The following KAT6B variants were observed in gnomAD, a reference collection of about 807,000 sequenced individuals.
KAT6B encodes lysine acetyltransferase 6B.
In KAT6B, 10 loss-of-function variants were observed where a neutral mutation model predicts 187.5. The observed-to-expected ratio is 0.05, with a 90% confidence interval of 0.03 to 0.09. KAT6B has a LOEUF of 0.09. Among genes scored for constraint, KAT6B ranks in the 10% least tolerant of loss-of-function variants. The pLI is 1.00. For synonymous variants in KAT6B, 861 were observed against 926.8 expected, an observed-to-expected ratio of 0.93 and a Z score of 1.29; for missense variants, 1,952 against 2,558.9, an observed-to-expected ratio of 0.76 and a Z score of 5.12.
chr10:74,938,050 A>G (rs748857261), intron 3 of KAT6B, among the ~76,000 whole-genome samples: 1 of 152,206 alleles, frequency 6.6e-6, no homozygotes, highest in African/African-American at 2.4e-5. Context: ...GGCTCAAGCC[A>G]TCCTCCCTCC....
chr10:74,968,613 CT>C (rs1287227637), intron 4 of KAT6B, among the ~76,000 whole-genome samples: 3 of 151,938 alleles, frequency 2.0e-5, no homozygotes, highest in Admixed American at 1.3e-4. Context: ...GCAGAATCTG[CT>C]TTTTTTTATT....
intron 3 of KAT6B, among the ~76,000 whole-genome samples, chr10:74,856,294 C>G (rs1842821167): frequency 6.6e-6 from 1 of 152,082 alleles, no homozygotes; most frequent in South Asian, 2.1e-4. Flanking sequence ...GCCAGGTTGG[C>G]CAGGCTGGTC....
At position 75,031,176 on chromosome 10, in the gene KAT6B, T is replaced by TAA; in HGVS notation, c.*130_*131insAA. ...AAAAACATTTGTTGGCACCATTTATTTAAAAAAAAAAAAAGCTGTATGCAG... is the reference window on the plus strand; with the variant it reads ...AAAAACATTTGTTGGCACCATTTATTAATAAAAAAAAAAAAAGCTGTATGCAG... On this transcript the variant is annotated 3_prime_UTR_variant, in exon 18 of 18. Transcript: ENST00000287239. 1 of 1,069,448 alleles carries TAA rather than the reference T, an allele frequency of 9.4e-7. No individual in the cohort carries two copies. The highest frequency in any genetic ancestry group is 1.3e-6 in the Non-Finnish European group (1 of 746,402). 66.2% of individuals were successfully genotyped at this position (1,069,448 alleles called of 1,614,324 possible).
At chr10:74,844,906 T>C (rs75543691) in intron 3 of KAT6B, among the ~76,000 whole-genome samples, 1 of 152,140 alleles carries the variant, frequency 6.6e-6, no homozygotes, top group African/African-American at 2.4e-5. Flanking sequence ...TTATAAAACA[T>C]TAATCATTGT....
At position 75,000,307 on chromosome 10, in the gene KAT6B, AG is replaced by A. The variant is rs373934659; in HGVS notation, c.2629+11198del. ...CTGGAGCATGTGTATGTACATCAGT[AG>A]GGAAAAGAAAGAGCAGCGCTGATGG... On this transcript the variant is annotated intron_variant, in intron 13 of 17. Transcript: ENST00000287239. 3.0e-3 allele frequency among the ~76,000 whole-genome samples: 453 copies of A among 152,134 alleles called. 4 individuals carry two copies. The highest frequency in any genetic ancestry group is 0.01 in the Middle Eastern group (3 of 294).
intron 1 of KAT6B, chr10:74,826,994 G>GC (rs201590252): frequency 1 from 130,454 of 130,528 alleles, 65,190 homozygotes; most frequent in Middle Eastern, 1. Context: ...CCTCGGCAGG[G>GC]CTCTAGGGCA....
rs55816415 is a variant in KAT6B, at chr10:74,912,375, G to GATAGATAGATA, written c.622-47595_622-47594insATAGATAGATA. Among the ~76,000 whole-genome samples, 134 of 145,644 alleles carry GATAGATAGATA rather than the reference G, an allele frequency of 9.2e-4. 1 individual carries two copies. The highest frequency in any genetic ancestry group is 2.5e-3 in the South Asian group (11 of 4,438). ...GGATGGATAGATTAAATGGATGGAT[G>GATAGATAGATA]GATAGATAGATAGATAGATAGATAG... On this transcript the variant is annotated intron_variant, in intron 3 of 17. Coordinates refer to ENST00000287239, the MANE Select transcript of KAT6B (RefSeq NM_012330.4).
intron 3 of KAT6B, among the ~76,000 whole-genome samples, chr10:74,880,157 C>G (rs1421938225): frequency 4.6e-5 from 7 of 152,182 alleles, no homozygotes; most frequent in Non-Finnish European, 1.0e-4. Flanking sequence ...CAAAGTCATT[C>G]ACCACTGTCT....
intron 3 of KAT6B, among the ~76,000 whole-genome samples, chr10:74,953,804 T>G (rs971120813): frequency 6.6e-6 from 1 of 152,180 alleles, no homozygotes; most frequent in African/African-American, 2.4e-5. Context: ...GTGCAGGAAT[T>G]TTCATTTATT....
At chr10:74,951,582 G>A (rs905337687) in intron 3 of KAT6B, among the ~76,000 whole-genome samples, 9 of 152,148 alleles carry the variant, frequency 5.9e-5, no homozygotes, top group African/African-American at 1.9e-4. Context: ...ACAACCTATA[G>A]TGACTATTAC....
chr10:74,926,052 CAT>C (rs970040289), intron 3 of KAT6B, among the ~76,000 whole-genome samples: 5 of 152,184 alleles, frequency 3.3e-5, no homozygotes, highest in South Asian at 2.1e-4. Context: ...GCATAGACCT[CAT>C]ATGTGTATTG....
upstream of KAT6B, among the ~76,000 whole-genome samples, chr10:74,826,044 C>CCG (rs1292614642): frequency 2.0e-5 from 3 of 151,432 alleles, no homozygotes; most frequent in South Asian, 2.1e-4. Context: ...GCGTGCCCGC[C>CCG]CGCGCGCGCC....
intron 3 of KAT6B, among the ~76,000 whole-genome samples, chr10:74,931,637 TA>T: frequency 6.6e-6 from 1 of 152,232 alleles, no homozygotes; most frequent in South Asian, 2.1e-4. Flanking sequence ...CTGTTTACCA[TA>T]CCTTTCTTTT....
At chr10:75,002,991 G>C (rs574814957) in intron 13 of KAT6B, 1 of 152,326 alleles carries the variant, frequency 6.6e-6, no homozygotes, top group South Asian at 2.1e-4. Flanking sequence ...TTCCCTTCTA[G>C]TGTGTGATTC....
chr10:74,882,118 A>G (rs1172149662), intron 3 of KAT6B, among the ~76,000 whole-genome samples: 1 of 152,202 alleles, frequency 6.6e-6, no homozygotes, highest in Non-Finnish European at 1.5e-5. Context: ...TGGAGTCTCC[A>G]TCTTCCACTT....
intron 1 of KAT6B, chr10:74,827,127 G>A (rs1381462633): frequency 6.6e-6 from 1 of 152,558 alleles, no homozygotes; most frequent in Non-Finnish European, 1.5e-5. Flanking sequence ...AGGAGCGGTG[G>A]GGGGCCGGCG....
At chr10:74,992,728 A>G (rs1246508014) in intron 13 of KAT6B, among the ~76,000 whole-genome samples, 1 of 152,222 alleles carries the variant, frequency 6.6e-6, no homozygotes, top group Admixed American at 6.5e-5. Flanking sequence ...CCATGGGACC[A>G]TGTGCTGCTT....
intron 3 of KAT6B, among the ~76,000 whole-genome samples, chr10:74,893,125 G>A (rs918068847): frequency 1.3e-5 from 2 of 152,236 alleles, no homozygotes; most frequent in Admixed American, 1.3e-4. Context: ...GAGTCAAAGG[G>A]CACCCGTTGC....
At chr10:74,887,064 C>A (rs997307781) in intron 3 of KAT6B, among the ~76,000 whole-genome samples, 2 of 152,150 alleles carry the variant, frequency 1.3e-5, no homozygotes, top group Non-Finnish European at 2.9e-5. Flanking sequence ...CACCGTCTCT[C>A]TGGGGACAGG....
Sources: allele counts gnomAD v4.1 joint callset (sites outside exome capture counted in the v4.1 genomes callset), GRCh38; gene constraint gnomAD v4.1.1; transcripts MANE v1.5; gene names NCBI Gene and HGNC (gene_info 2026-07-23, HGNC 2026-07-21).